The following TSHZ2 variants were observed in gnomAD, a reference collection of about 807,000 sequenced individuals.
TSHZ2 encodes teashirt homolog 2.
TSHZ2 carries 21 observed loss-of-function variants against 74.4 expected under a neutral mutation model. The ratio of observed to expected loss-of-function variants is 0.28; its 90% CI spans 0.20 to 0.41. The LOEUF is 0.41. Ranked by LOEUF, TSHZ2 falls within the 10% of genes least tolerant of loss-of-function variation. TSHZ2 has a pLI of 1.00. For synonymous variants in TSHZ2, 540 were observed against 515.3 expected (o/e 1.05, Z -0.65); for missense variants, 1,244 against 1,293.5 (o/e 0.96, Z 0.59).
intron 1 of TSHZ2, among the ~76,000 whole-genome samples, chr20:53,010,124 C>A (rs1318253889): frequency 6.6e-6 from 1 of 152,124 alleles, no homozygotes; most frequent in Non-Finnish European, 1.5e-5. Flanking sequence ...ACTCTAACCA[C>A]AAAGCCAGTC....
At chr20:53,163,360 C>CTTTTTTTTTTTT (rs55685519) in intron 1 of TSHZ2, among the ~76,000 whole-genome samples, 16 of 65,636 alleles carry the variant, frequency 2.4e-4, no homozygotes, top group Non-Finnish European at 4.0e-4. Flanking sequence ...CTCTCTGTCT[C>CTTTTTTTTTTTT]TTTTTTTTTT....
At position 53,469,899 on chromosome 20, in the gene TSHZ2, GAGGAAGGA is replaced by G. The variant is rs747268726; in HGVS notation, c.*9-17229_*9-17222del. On this transcript the variant is annotated intron_variant, in intron 2 of 2. Coordinates refer to ENST00000371497, the MANE Select transcript of TSHZ2 (RefSeq NM_173485.6). Reference sequence around the variant, plus strand: ...AAGAAAAAAAAGAGAGAGAGGAAAGGAGGAAGGAAGGAAGGAAGGAAGGCAGGCAGGCA... The same window carrying G: ...AAGAAAAAAAAGAGAGAGAGGAAAGGAGGAAGGAAGGAAGGCAGGCAGGCA... 6.4e-3 allele frequency among the ~76,000 whole-genome samples: 562 copies of G among 88,400 alleles called. 15 individuals are homozygous for G. The highest frequency in any genetic ancestry group is 0.022 in the African/African-American group (531 of 24,192). The allele number at this position is 88,400 out of a possible 152,430, so 58.0% of individuals were successfully genotyped here. A position where few individuals can be genotyped will look rare whatever the true frequency, so the allele number is the denominator to read the frequency against.
At chr20:53,068,293 A>G (rs547173236) in intron 1 of TSHZ2, among the ~76,000 whole-genome samples, 12 of 152,112 alleles carry the variant, frequency 7.9e-5, no homozygotes, top group South Asian at 2.1e-4. Context: ...CACCCACACC[A>G]GTCTATGGAT....
rs201828251 is a variant in TSHZ2, at chr20:52,973,324, C to A, written c.31C>A (p.Arg11=). MPRRKQQAPK[R]AAGYAQEEQL... ...GAGGAGAAAACAGCAGGCACCCAAG[C>A]GGGCGGCAGGTAAGAGAAACGGCTC... The change falls in exon 1 of 3, where the codon CGG becomes AGG. Residue 11 remains arginine, a synonymous_variant. Transcript: ENST00000371497. 372 of 1,551,580 alleles carry A rather than the reference C, an allele frequency of 2.4e-4. No homozygotes were observed. Among genetic ancestry groups the A allele is most frequent in the Non-Finnish European group, 7.6e-5 (87 of 1,146,824 alleles).
intron 2 of TSHZ2, among the ~76,000 whole-genome samples, chr20:53,389,974 G>A (rs1982190789): frequency 2.0e-5 from 3 of 152,230 alleles, no homozygotes; most frequent in Admixed American, 1.3e-4. Flanking sequence ...TGCAAAGCAA[G>A]TTTAAACTTT....
At chr20:53,312,980 A>C (rs751135934) in intron 2 of TSHZ2, among the ~76,000 whole-genome samples, 1 of 152,238 alleles carries the variant, frequency 6.6e-6, no homozygotes, top group Non-Finnish European at 1.5e-5. Context: ...AGTGAAATAC[A>C]GATTTGGAAT....
intron 1 of TSHZ2, among the ~76,000 whole-genome samples, chr20:53,070,351 A>C (rs1985131504): frequency 6.6e-6 from 1 of 152,168 alleles, no homozygotes; most frequent in Non-Finnish European, 1.5e-5. Flanking sequence ...AACCCTGTCT[A>C]ATAGCCTATC....
intron 1 of TSHZ2, among the ~76,000 whole-genome samples, chr20:53,155,836 A>G (rs1465636601): frequency 6.6e-6 from 1 of 152,220 alleles, no homozygotes; most frequent in Non-Finnish European, 1.5e-5. Context: ...TCCTGTTTTA[A>G]GTTAATGAGA....
chr20:53,041,130 C>CT (rs1984026002), intron 1 of TSHZ2, among the ~76,000 whole-genome samples: 2 of 152,162 alleles, frequency 1.3e-5, no homozygotes, highest in Admixed American at 6.5e-5. Context: ...AGTGAGGACT[C>CT]TAAGTTTCGA....
At chr20:53,203,809 G>A (rs1206187541) in intron 1 of TSHZ2, among the ~76,000 whole-genome samples, 1 of 152,008 alleles carries the variant, frequency 6.6e-6, no homozygotes, top group East Asian at 1.9e-4. Context: ...CCTAAAAACT[G>A]AAACTGGGTT....
intron 1 of TSHZ2, among the ~76,000 whole-genome samples, chr20:53,113,477 G>A (rs1057361103): frequency 1.3e-5 from 2 of 152,084 alleles, no homozygotes; most frequent in Admixed American, 6.5e-5. Flanking sequence ...AACCACTCAC[G>A]TATCTAACAT....
At chr20:53,109,017 G>T (rs1419368681) in intron 1 of TSHZ2, among the ~76,000 whole-genome samples, 1 of 152,028 alleles carries the variant, frequency 6.6e-6, no homozygotes, top group Non-Finnish European at 1.5e-5. Flanking sequence ...CTTTTCAGCT[G>T]GAGGTATTCC....
intron 1 of TSHZ2, among the ~76,000 whole-genome samples, chr20:53,198,701 C>T (rs1223788658): frequency 6.6e-6 from 1 of 151,990 alleles, no homozygotes; most frequent in Non-Finnish European, 1.5e-5. Flanking sequence ...TAACTAAACC[C>T]AGAGGAACTC....
At chr20:53,172,882 A>C (rs1988234701) in intron 1 of TSHZ2, among the ~76,000 whole-genome samples, 1 of 152,208 alleles carries the variant, frequency 6.6e-6, no homozygotes, top group Non-Finnish European at 1.5e-5. Context: ...TCCACACAGC[A>C]GGTAGAGAGG....
chr20:53,411,810 C>T (rs1371331494), intron 2 of TSHZ2, among the ~76,000 whole-genome samples: 1 of 151,966 alleles, frequency 6.6e-6, no homozygotes, highest in Non-Finnish European at 1.5e-5. Flanking sequence ...GCCAGGATGA[C>T]AGAGCAAGAC....
At chr20:53,242,171 G>C (rs1020319918) in intron 1 of TSHZ2, among the ~76,000 whole-genome samples, 3 of 152,110 alleles carry the variant, frequency 2.0e-5, no homozygotes, top group Non-Finnish European at 4.4e-5. Context: ...ATAATTCTTT[G>C]AGTAAGGACC....
intron 1 of TSHZ2, chr20:53,179,440 CT>C (rs902002165): frequency 6.6e-6 from 1 of 152,184 alleles, no homozygotes; most frequent in African/African-American, 2.4e-5. Context: ...ACATAAGCAG[CT>C]TTGCAGATTT....
chr20:53,185,449 CA>C (rs750779528), intron 1 of TSHZ2: 420 of 1,338,740 alleles, frequency 3.1e-4, no homozygotes, highest in Non-Finnish European at 3.9e-4. Flanking sequence ...CCGAGGCAGG[CA>C]GATCAGATCA....
At chr20:53,440,337 C>T (rs982310818) in intron 2 of TSHZ2, among the ~76,000 whole-genome samples, 1 of 152,232 alleles carries the variant, frequency 6.6e-6, no homozygotes, top group South Asian at 2.1e-4. Flanking sequence ...GGGAGACACA[C>T]ATTCCATTAT....
Sources: allele counts gnomAD v4.1 joint callset (sites outside exome capture counted in the v4.1 genomes callset), GRCh38; gene constraint gnomAD v4.1.1; transcripts MANE v1.5; gene names NCBI Gene and HGNC (gene_info 2026-07-23, HGNC 2026-07-21).